The following ATP8B4 variants were observed in gnomAD, a reference collection of about 807,000 sequenced individuals.
The protein encoded by ATP8B4 is probable phospholipid-transporting ATPase IM.
A neutral mutation model predicts 145.6 loss-of-function variants in ATP8B4; 133 were observed. The ratio of observed to expected loss-of-function variants is 0.91; its 90% CI spans 0.79 to 1.05. The LOEUF (loss-of-function observed/expected upper bound fraction) is 1.05. Among genes scored for constraint, ATP8B4 ranks in the 50% least tolerant of loss-of-function variants. The probability of loss-of-function intolerance (pLI) is 0.00; values close to 1 mark genes in which losing one functional copy is unlikely to be tolerated. For synonymous variants in ATP8B4, 507 were observed against 492.9 expected, an observed-to-expected ratio of 1.03 and a Z score of -0.38; for missense variants, 1,458 against 1,425.2, an observed-to-expected ratio of 1.02 and a Z score of -0.37.
intron 3 of ATP8B4, among the ~76,000 whole-genome samples, chr15:50,050,269 T>C (rs141770142): frequency 6.6e-6 from 1 of 152,212 alleles, no homozygotes; most frequent in Non-Finnish European, 1.5e-5. Flanking sequence ...GTAAGGACTT[T>C]GATGTCCTGT....
chr15:49,866,115 G>A (rs2032745769), intron 26 of ATP8B4, among the ~76,000 whole-genome samples: 1 of 152,174 alleles, frequency 6.6e-6, no homozygotes, highest in African/African-American at 2.4e-5. Flanking sequence ...CATGTAAGCT[G>A]TTGAGAACCT....
intron 1 of ATP8B4, among the ~76,000 whole-genome samples, chr15:50,150,367 A>G (rs1280568656): frequency 1.3e-5 from 2 of 152,114 alleles, no homozygotes; most frequent in Non-Finnish European, 2.9e-5. Flanking sequence ...CTCAGGGAGG[A>G]TTTTAACACA....
chr15:50,034,773 G>T (rs1203206503), intron 6 of ATP8B4, among the ~76,000 whole-genome samples: 1 of 152,156 alleles, frequency 6.6e-6, no homozygotes, highest in African/African-American at 2.4e-5. Context: ...AGGAGCGTGG[G>T]ATTAGGTGAC....
At chr15:49,965,345 A>C (rs2044428823) in intron 13 of ATP8B4, among the ~76,000 whole-genome samples, 1 of 152,212 alleles carries the variant, frequency 6.6e-6, no homozygotes, top group African/African-American at 2.4e-5. Flanking sequence ...TCAGGGGACA[A>C]AGGAAAAGTT....
intron 25 of ATP8B4, among the ~76,000 whole-genome samples, chr15:49,868,516 G>T (rs1238848644): frequency 6.6e-6 from 1 of 152,178 alleles, no homozygotes; most frequent in Admixed American, 6.5e-5. Context: ...GGTGAGCAAT[G>T]ATTCTTGTAA....
intron 3 of ATP8B4, among the ~76,000 whole-genome samples, chr15:50,059,331 A>C (rs990079190): frequency 6.6e-6 from 1 of 152,140 alleles, no homozygotes; most frequent in Admixed American, 6.6e-5. Flanking sequence ...AAGTCACTGA[A>C]CTGATTTGCA....
At chr15:49,942,909 C>T (rs905139470) in intron 14 of ATP8B4, among the ~76,000 whole-genome samples, 1 of 151,960 alleles carries the variant, frequency 6.6e-6, no homozygotes, top group Non-Finnish European at 1.5e-5. Context: ...TATGAATTAC[C>T]TGGCAAATAA....
At chr15:50,165,070 G>A (rs1269647407) in intron 1 of ATP8B4, among the ~76,000 whole-genome samples, 1 of 150,362 alleles carries the variant, frequency 6.7e-6, no homozygotes, top group African/African-American at 2.5e-5. Flanking sequence ...TTTTTGGGGA[G>A]ATGGAGTCTC....
At chr15:49,967,483 A>G (rs1448962788) in intron 13 of ATP8B4, among the ~76,000 whole-genome samples, 1 of 152,222 alleles carries the variant, frequency 6.6e-6, no homozygotes, top group Non-Finnish European at 1.5e-5. Context: ...ATACACAGGA[A>G]TCAATAGCTG....
chr15:50,052,044 C>G (rs1336907732), intron 3 of ATP8B4, among the ~76,000 whole-genome samples: 1 of 152,168 alleles, frequency 6.6e-6, no homozygotes, highest in African/African-American at 2.4e-5. Context: ...AATCTCTGGG[C>G]CAGTCTACTT....
At position 50,002,158 on chromosome 15, in the gene ATP8B4, A is replaced by G; in HGVS notation, c.501T>C (p.Leu167=). 1 of 1,606,052 alleles carries G rather than the reference A, an allele frequency of 6.2e-7. No homozygotes were observed. The change falls in exon 8 of 28, where the codon CTT becomes CTC. Residue 167 remains leucine, a synonymous_variant. Coordinates refer to ENST00000284509, the MANE Select transcript of ATP8B4 (RefSeq NM_024837.4). ...TTCTAATTTTAATAACTTACCCATC[A>G]AGCTCAGCAGTTTCAACATAACAGA... The part of the protein sequence containing the change: ...HGLCYVETAE[L]DGETNLKVRH...
At chr15:49,892,112 T>TAA (rs564509918) in intron 23 of ATP8B4, among the ~76,000 whole-genome samples, 10 of 115,532 alleles carry the variant, frequency 8.7e-5, no homozygotes, top group African/African-American at 2.9e-4. Context: ...AAGACTCACC[T>TAA]AAAAAAAAAA....
At chr15:50,179,984 T>C (rs2044821296) in intron 1 of ATP8B4, among the ~76,000 whole-genome samples, 1 of 152,172 alleles carries the variant, frequency 6.6e-6, no homozygotes, top group African/African-American at 2.4e-5. Flanking sequence ...TTATAGACAT[T>C]TGAAAATTAC....
chr15:49,974,802 A>G (rs1300741935), intron 12 of ATP8B4, among the ~76,000 whole-genome samples: 2 of 152,196 alleles, frequency 1.3e-5, no homozygotes, highest in Non-Finnish European at 2.9e-5. Context: ...AAGATTTTAC[A>G]TCACCATTTG....
At chr15:50,028,181 T>C (rs1002032884) in intron 6 of ATP8B4, among the ~76,000 whole-genome samples, 2 of 152,210 alleles carry the variant, frequency 1.3e-5, no homozygotes, top group Admixed American at 6.5e-5. Context: ...AGCCCCCAAA[T>C]TTCCCAGGTC....
chr15:50,009,349 G>A (rs1021026050), intron 7 of ATP8B4: 13 of 154,376 alleles, frequency 8.4e-5, no homozygotes, highest in African/African-American at 3.1e-4. Flanking sequence ...CCCTGTTGAT[G>A]GAACATGGCA....
Position 49,923,436 on chromosome 15 carries a change from A to G in ATP8B4, c.1701T>C (p.Phe567=). The G allele has an allele frequency of 2.5e-6, 4 of 1,613,752 alleles. No homozygotes were observed. In the South Asian group the frequency reaches 4.4e-5, roughly 18 times the overall value. ...LYSKGADTIL[F]EKLHPSNEVL... ...CTTCATTGGAAGGATGAAGTTTTTC[A>G]AACAGAATAGTATCTGCTCCTTTGG... Residue 567 remains phenylalanine (F), a synonymous_variant, in exon 17 of 28, where the codon TTT becomes TTC. Coordinates refer to ENST00000284509, the MANE Select transcript of ATP8B4 (RefSeq NM_024837.4).
At chr15:49,886,424 C>T (rs2036196581) in intron 23 of ATP8B4, among the ~76,000 whole-genome samples, 1 of 152,068 alleles carries the variant, frequency 6.6e-6, no homozygotes, top group Non-Finnish European at 1.5e-5. Flanking sequence ...ATGGGGGGAG[C>T]ATGCAGGGAT....
chr15:50,030,125 CTT>C (rs2050320617), intron 6 of ATP8B4, among the ~76,000 whole-genome samples: 2 of 151,876 alleles, frequency 1.3e-5, no homozygotes, highest in African/African-American at 4.8e-5. Context: ...CCTAAGAAAA[CTT>C]TATATTTTTA....
Sources: gnomAD v4.1 joint callset for allele counts (sites outside exome capture counted in the v4.1 genomes callset) on GRCh38, gnomAD v4.1.1 for gene constraint, MANE v1.5 for transcripts, NCBI Gene and HGNC (gene_info 2026-07-23, HGNC 2026-07-21) for gene names.